The following SORCS1 variants were observed in gnomAD, a reference collection of about 807,000 sequenced individuals.
SORCS1 encodes VPS10 domain-containing receptor SorCS1.
In SORCS1, 60 loss-of-function variants were observed where a neutral mutation model predicts 146.1. The ratio of observed to expected loss-of-function variants is 0.41; its 90% CI spans 0.33 to 0.51. The LOEUF is 0.51. Ranked by LOEUF, SORCS1 falls within the 20% of genes least tolerant of loss-of-function variation. The probability of loss-of-function intolerance (pLI) is 0.21; values close to 1 mark genes in which losing one functional copy is unlikely to be tolerated. For missense variants in SORCS1, 1,352 were observed against 1,487.6 expected, an observed-to-expected ratio of 0.91 and a Z score of 1.50; for synonymous variants, 637 against 584.0, an observed-to-expected ratio of 1.09 and a Z score of -1.31.
chr10:106,899,816 A>T (rs1951633402), intron 2 of SORCS1, among the ~76,000 whole-genome samples: 1 of 151,996 alleles, frequency 6.6e-6, no homozygotes, highest in South Asian at 2.1e-4. Context: ...TTCAACAATT[A>T]CCACTTGCCC....
chr10:106,701,442 C>G (rs1854132385), intron 8 of SORCS1, among the ~76,000 whole-genome samples: 1 of 152,166 alleles, frequency 6.6e-6, no homozygotes, highest in Admixed American at 6.5e-5. Context: ...TGACATGTTT[C>G]TGGAATGACT....
intron 15 of SORCS1, 133 bp downstream of exon 15, chr10:106,672,735 C>T: frequency 2.8e-6 from 2 of 706,130 alleles, no homozygotes; most frequent in Non-Finnish European, 4.9e-6. Flanking sequence ...CTGTGGAACA[C>T]AAATGTGTAA....
chr10:106,736,511 A>ACATTGGTTT (rs1419503181), intron 5 of SORCS1, among the ~76,000 whole-genome samples: 1 of 146,332 alleles, frequency 6.8e-6, no homozygotes, highest in African/African-American at 2.5e-5. Flanking sequence ...GCAGTGACAT[A>ACATTGGTTT]CCTTGGTTTC....
intron 8 of SORCS1, 94 bp downstream of exon 8, chr10:106,706,451 A>T (rs1445392611): frequency 8.3e-7 from 1 of 1,205,378 alleles, no homozygotes; most frequent in Non-Finnish European, 1.2e-6. Flanking sequence ...AAACATGACT[A>T]TGAGAGGCTG....
chr10:107,146,260 G>A (rs1437040281), intron 1 of SORCS1, among the ~76,000 whole-genome samples: 1 of 152,160 alleles, frequency 6.6e-6, no homozygotes, highest in Non-Finnish European at 1.5e-5. Flanking sequence ...CTAAGCGTTT[G>A]TCTCTTTAGA....
At chr10:106,625,809 A>ATT (rs35727364) in intron 19 of SORCS1, among the ~76,000 whole-genome samples, 1 of 147,516 alleles carries the variant, frequency 6.8e-6, no homozygotes, top group Non-Finnish European at 1.5e-5. Context: ...GTCTTCAGTG[A>ATT]TTTTTTTTTT....
At chr10:106,932,149 T>A (rs1953452675) in intron 2 of SORCS1, among the ~76,000 whole-genome samples, 1 of 152,290 alleles carries the variant, frequency 6.6e-6, no homozygotes, top group Middle Eastern at 3.4e-3. Context: ...GTTATGTGAA[T>A]TTTTATCCCC....
chr10:106,836,316 T>C (rs1454159910), intron 2 of SORCS1, among the ~76,000 whole-genome samples: 4 of 151,154 alleles, frequency 2.6e-5, no homozygotes, highest in Non-Finnish European at 4.4e-5. Context: ...CTACTAAAAA[T>C]ACAAAAAATT....
At chr10:106,983,421 C>T (rs1956323710) in intron 1 of SORCS1, among the ~76,000 whole-genome samples, 1 of 152,038 alleles carries the variant, frequency 6.6e-6, no homozygotes, top group Non-Finnish European at 1.5e-5. Context: ...TACTTTACCT[C>T]ATAGGTAGTA....
Position 106,574,721 on chromosome 10 carries a change from T to C in SORCS1, c.*2699A>G, listed in dbSNP as rs749984102. The C allele has an allele frequency of 3.3e-5, 5 of 152,194 alleles. No homozygotes were observed. The highest frequency in any genetic ancestry group is 5.9e-5 in the Non-Finnish European group (4 of 68,032). The allele number at this position is 152,194 out of a possible 1,614,324, so 9.4% of individuals were successfully genotyped here. On this transcript the variant is annotated 3_prime_UTR_variant, in exon 26 of 26. Coordinates refer to ENST00000263054, the MANE Select transcript of SORCS1 (RefSeq NM_052918.5). ...TACTGCTGATCCAGGTACCACACTT[T>C]GAGAACAACTGGCCAAGGTCCTAAG... is the stretch of plus-strand genomic sequence containing the variant.
chr10:107,153,837 G>A (rs1407976346), intron 1 of SORCS1, among the ~76,000 whole-genome samples: 1 of 151,998 alleles, frequency 6.6e-6, no homozygotes, highest in Non-Finnish European at 1.5e-5. Flanking sequence ...CAAAAAGAAT[G>A]AACACAAGAA....
At chr10:106,716,823 T>G (rs898900790) in intron 6 of SORCS1, among the ~76,000 whole-genome samples, 3 of 152,130 alleles carry the variant, frequency 2.0e-5, no homozygotes, top group Non-Finnish European at 4.4e-5. Context: ...ATCACATGTT[T>G]TTTTCTCTCT....
intron 1 of SORCS1, among the ~76,000 whole-genome samples, chr10:107,063,957 C>T (rs1961491043): frequency 6.6e-6 from 1 of 152,140 alleles, no homozygotes; most frequent in Middle Eastern, 3.2e-3. Context: ...AGATATCAGA[C>T]TTAAAATATT....
At chr10:106,590,158 G>C (rs1845512868) in intron 24 of SORCS1, among the ~76,000 whole-genome samples, 1 of 151,920 alleles carries the variant, frequency 6.6e-6, no homozygotes, top group African/African-American at 2.4e-5. Flanking sequence ...CCACCTTTCT[G>C]TGCCTTTGTG....
At position 106,834,459 on chromosome 10, in the gene SORCS1, A is replaced by AT. The variant is rs1948698156; in HGVS notation, c.627-4787dup. Among the ~76,000 whole-genome samples, 4 of 152,190 alleles carry AT rather than the reference A, an allele frequency of 2.6e-5. No homozygotes were observed. In the South Asian group the frequency reaches 8.3e-4, roughly 31 times the overall value. ...ATATTTCATGCGACATTTTCCAAAC[A>AT]TATTTGATGATAGGATCCATTCTTG... On this transcript the variant is annotated intron_variant, in intron 2 of 25. Coordinates refer to ENST00000263054, the MANE Select transcript of SORCS1 (RefSeq NM_052918.5).
intron 3 of SORCS1, among the ~76,000 whole-genome samples, chr10:106,810,741 C>T (rs1234924640): frequency 6.6e-6 from 1 of 152,136 alleles, no homozygotes; most frequent in Non-Finnish European, 1.5e-5. Context: ...GAAAGTGCTA[C>T]CTGCTCACTG....
chr10:106,712,343 T>C (rs1290724478), intron 6 of SORCS1, among the ~76,000 whole-genome samples: 1 of 152,208 alleles, frequency 6.6e-6, no homozygotes, highest in African/African-American at 2.4e-5. Context: ...TATCTCATTG[T>C]CTAGATGCAG....
At chr10:106,813,994 C>T (rs945999034) in intron 3 of SORCS1, among the ~76,000 whole-genome samples, 8 of 152,266 alleles carry the variant, frequency 5.3e-5, no homozygotes, top group African/African-American at 1.7e-4. Context: ...AATCCATCAA[C>T]TTCCTTTTAT....
chr10:106,711,937 T>C (rs768632691), intron 6 of SORCS1, among the ~76,000 whole-genome samples: 4 of 152,148 alleles, frequency 2.6e-5, no homozygotes, highest in Non-Finnish European at 5.9e-5. Context: ...ATAGAAACAA[T>C]GGAGATTTAT....
Sources: allele counts gnomAD v4.1 joint callset (sites outside exome capture counted in the v4.1 genomes callset), GRCh38; gene constraint gnomAD v4.1.1; transcripts MANE v1.5; gene names NCBI Gene and HGNC (gene_info 2026-07-23, HGNC 2026-07-21).